The following CAMK1D variants were observed in gnomAD, a reference collection of about 807,000 sequenced individuals.
CAMK1D encodes the protein calcium/calmodulin-dependent protein kinase type 1D.
Under a neutral mutation model 47.7 loss-of-function variants are expected in CAMK1D, and 9 were observed. That is an observed-to-expected ratio of 0.19 (90% CI 0.11 to 0.33). CAMK1D has a LOEUF of 0.33. Ranked by LOEUF, CAMK1D falls within the 10% of genes least tolerant of loss-of-function variation. The pLI, the probability that CAMK1D is intolerant of heterozygous loss-of-function variation, is 1.00. For missense variants in CAMK1D, 291 were observed against 488.7 expected, an observed-to-expected ratio of 0.60 and a Z score of 3.81; for synonymous variants, 184 against 184.9, an observed-to-expected ratio of 0.99 and a Z score of 0.04.
At chr10:12,785,853 G>A (rs1195940346) in intron 5 of CAMK1D, among the ~76,000 whole-genome samples, 1 of 152,186 alleles carries the variant, frequency 6.6e-6, no homozygotes, top group East Asian at 1.9e-4. Context: ...TGGGGGCTAT[G>A]CTAGAAAGGC....
chr10:12,678,508 C>T (rs868675529), intron 3 of CAMK1D, among the ~76,000 whole-genome samples: 5 of 152,316 alleles, frequency 3.3e-5, no homozygotes, highest in South Asian at 2.1e-4. Flanking sequence ...TCCAGTTGTT[C>T]TCCAGTGTCA....
At chr10:12,424,044 C>T (rs970346395) in intron 1 of CAMK1D, among the ~76,000 whole-genome samples, 2 of 152,158 alleles carry the variant, frequency 1.3e-5, no homozygotes, top group Non-Finnish European at 2.9e-5. Flanking sequence ...CGCCGTGCGG[C>T]CTGTTCGTCC....
At chr10:12,800,561 T>C (rs944573347) in intron 6 of CAMK1D, among the ~76,000 whole-genome samples, 3 of 152,246 alleles carry the variant, frequency 2.0e-5, no homozygotes, top group Non-Finnish European at 4.4e-5. Context: ...TTGATTTTGC[T>C]CGTGTTTTTC....
intron 1 of CAMK1D, among the ~76,000 whole-genome samples, chr10:12,452,891 A>G (rs1833130712): frequency 6.6e-6 from 1 of 152,048 alleles, no homozygotes; most frequent in Non-Finnish European, 1.5e-5. Flanking sequence ...TTAAGAGTAC[A>G]GTTCAGTGGC....
At chr10:12,720,896 C>T (rs1232247325) in intron 3 of CAMK1D, among the ~76,000 whole-genome samples, 2 of 152,142 alleles carry the variant, frequency 1.3e-5, no homozygotes, top group Non-Finnish European at 2.9e-5. Context: ...ATAAATGAAC[C>T]ACGTGAGTCA....
intron 3 of CAMK1D, among the ~76,000 whole-genome samples, chr10:12,750,840 C>T (rs1418392309): frequency 6.6e-5 from 10 of 152,110 alleles, no homozygotes; most frequent in East Asian, 1.9e-4. Flanking sequence ...CACCTGAGGT[C>T]GGAAATTTGA....
intron 1 of CAMK1D, among the ~76,000 whole-genome samples, chr10:12,486,240 GCTCCGC>G (rs1399536331): frequency 6.6e-6 from 1 of 151,346 alleles, no homozygotes; most frequent in Non-Finnish European, 1.5e-5. Context: ...CTCACTGCAA[GCTCCGC>G]CTCCCAGGTT....
At chr10:12,615,616 GTA>G (rs1480159907) in intron 2 of CAMK1D, among the ~76,000 whole-genome samples, 1 of 148,430 alleles carries the variant, frequency 6.7e-6, no homozygotes, top group South Asian at 2.1e-4. Flanking sequence ...GTATGTATAC[GTA>G]TGTGTAGTGT....
chr10:12,448,141 A>G (rs866057204), intron 1 of CAMK1D, among the ~76,000 whole-genome samples: 1 of 152,114 alleles, frequency 6.6e-6, no homozygotes, highest in Non-Finnish European at 1.5e-5. Flanking sequence ...GGCATGAGCC[A>G]CGACTCCTGG....
intron 1 of CAMK1D, among the ~76,000 whole-genome samples, chr10:12,541,056 A>G (rs1380746563): frequency 2.6e-5 from 4 of 152,074 alleles, no homozygotes; most frequent in African/African-American, 4.8e-5. Context: ...TAGACATTGT[A>G]TCTAAATTGG....
intron 1 of CAMK1D, among the ~76,000 whole-genome samples, chr10:12,482,034 G>C (rs1004032706): frequency 6.6e-6 from 1 of 152,230 alleles, no homozygotes; most frequent in Non-Finnish European, 1.5e-5. Flanking sequence ...TTGCAGGCTG[G>C]TGCAGTGTTT....
chr10:12,596,999 A>G (rs981340479), intron 2 of CAMK1D, among the ~76,000 whole-genome samples: 1 of 152,018 alleles, frequency 6.6e-6, no homozygotes, highest in East Asian at 1.9e-4. Flanking sequence ...AGATGAGGCT[A>G]TTATCTCTGG....
At chr10:12,678,214 TTAAGA>T (rs1840877655) in intron 3 of CAMK1D, among the ~76,000 whole-genome samples, 1 of 152,218 alleles carries the variant, frequency 6.6e-6, no homozygotes, top group Non-Finnish European at 1.5e-5. Context: ...TTTATTTATC[TTAAGA>T]TATTTTCCCT....
chr10:12,576,702 T>G (rs1255037189), intron 2 of CAMK1D, among the ~76,000 whole-genome samples: 1 of 152,210 alleles, frequency 6.6e-6, no homozygotes, highest in Non-Finnish European at 1.5e-5. Context: ...ACCAATGATC[T>G]GACAAGAGGC....
intron 1 of CAMK1D, among the ~76,000 whole-genome samples, chr10:12,552,403 G>A (rs961730676): frequency 3.3e-5 from 5 of 152,144 alleles, no homozygotes; most frequent in African/African-American, 1.2e-4. Context: ...CTGCAATACC[G>A]CTCACACCCA....
chr10:12,545,647 A>C (rs1175218692), intron 1 of CAMK1D, among the ~76,000 whole-genome samples: 2 of 151,452 alleles, frequency 1.3e-5, no homozygotes, highest in Non-Finnish European at 2.9e-5. Flanking sequence ...TAAAAATACA[A>C]AAATTAGCTG....
At chr10:12,626,489 T>TC (rs919075724) in intron 2 of CAMK1D, among the ~76,000 whole-genome samples, 2 of 151,134 alleles carry the variant, frequency 1.3e-5, no homozygotes, top group Admixed American at 6.6e-5. Context: ...TTTTTTTTTT[T>TC]TTGAGATGGA....
Position 12,828,925 on chromosome 10 carries a change from A to G in CAMK1D, c.*38A>G. On this transcript the variant is annotated 3_prime_UTR_variant, in exon 11 of 11. Transcript: ENST00000619168. ...GTGGGGCCCGGGGTCGGGGCTGGGG[A>G]AGGGGAGCCCCAGGGTCGCCAGAGC... 2.7e-6 allele frequency: 4 copies of G among 1,480,146 alleles called. No homozygotes were observed. The highest frequency in any genetic ancestry group is 3.6e-6 in the Non-Finnish European group (4 of 1,098,894). 91.7% of individuals were successfully genotyped at this position (1,480,146 alleles called of 1,614,324 possible).
At chr10:12,511,833 C>T (rs577794980) in intron 1 of CAMK1D, among the ~76,000 whole-genome samples, 4 of 152,342 alleles carry the variant, frequency 2.6e-5, no homozygotes, top group East Asian at 1.9e-4. Context: ...GTGATCATGA[C>T]GATGAATGTA....
Sources: gnomAD v4.1 joint callset for allele counts (sites outside exome capture counted in the v4.1 genomes callset) on GRCh38, gnomAD v4.1.1 for gene constraint, MANE v1.5 for transcripts, NCBI Gene and HGNC (gene_info 2026-07-23, HGNC 2026-07-21) for gene names.